The following BTD variants were observed in gnomAD, a reference collection of about 807,000 sequenced individuals.
BTD encodes biotinidase, also known as biocytinase.
A neutral mutation model predicts 17.7 loss-of-function variants in BTD; 13 were observed. The ratio of observed to expected loss-of-function variants is 0.74; its 90% CI spans 0.48 to 1.17. The LOEUF is 1.17. BTD is among the 50% of genes most tolerant of loss of function. BTD has a pLI of 0.00. For synonymous variants in BTD, 240 were observed against 245.2 expected (o/e 0.98, Z 0.20); for missense variants, 674 against 650.4 (o/e 1.04, Z -0.39).
chr3:15,719,451 C>T (rs1434835097), intron 4 of BTD, among the ~76,000 whole-genome samples: 1 of 152,078 alleles, frequency 6.6e-6, no homozygotes, highest in Non-Finnish European at 1.5e-5. Context: ...ACAGAAACAA[C>T]TAACGAATTC....
At chr3:15,626,975 G>A (rs1004158965) in intron 1 of BTD, among the ~76,000 whole-genome samples, 1 of 152,078 alleles carries the variant, frequency 6.6e-6, no homozygotes, top group African/African-American at 2.4e-5. Context: ...TTTGACCAAA[G>A]CAGAAGAAAA....
At chr3:15,612,996 G>A (rs1321356451) in intron 1 of BTD, among the ~76,000 whole-genome samples, 1 of 152,194 alleles carries the variant, frequency 6.6e-6, no homozygotes, top group African/African-American at 2.4e-5. Context: ...CGGGGAGAGA[G>A]TGTGTCTGAA....
In BTD at chr3:15,687,498, T is replaced by C. The variant is rs190956434; in HGVS notation, c.400-22562T>C. On this transcript the variant is annotated intron_variant, in intron 3 of 3. Transcript: ENST00000672141. ...GCAAAATTCAGGTCCTGTTAATATA[T>C]ACAAAGTCTGAAGTTTAAAGAAATA... Among the ~76,000 whole-genome samples the C allele has an allele frequency of 1.0e-3, 157 of 152,286 alleles. 3 individuals are homozygous for C. The highest frequency in any genetic ancestry group is 1.8e-3 in the Non-Finnish European group (122 of 68,016).
chr3:15,663,159 G>A (rs764760495), intron 3 of BTD, among the ~76,000 whole-genome samples: 7 of 152,016 alleles, frequency 4.6e-5, no homozygotes, highest in Admixed American at 2.6e-4. Context: ...CGCCATGCCC[G>A]GCTAATTTTT....
rs746332288 is a variant in BTD at position 15,644,822 on chromosome 3, C to A, written c.906C>A (p.Tyr302Ter). 6.2e-7 allele frequency: 1 copy of A among 1,614,170 alleles called. No homozygotes were observed. Among genetic ancestry groups the A allele is most frequent in the South Asian group, 1.1e-5 (1 of 91,076 alleles). Residue 302 changes from tyrosine (Y) to a stop codon, truncating the protein, a stop_gained, in exon 4 of 4, where the codon TAC becomes TAA. Coordinates refer to ENST00000643237, the MANE Select transcript of BTD (RefSeq NM_001370658.1). LOFTEE classifies it low-confidence loss of function (END_TRUNC). ...GIHTPLESFW[Y>*]HDMENPKSHL... ...ACACCCCTCTGGAGTCCTTTTGGTACCATGACATGGAAAATCCCAAAAGTC... is the reference window on the plus strand; with the variant it reads ...ACACCCCTCTGGAGTCCTTTTGGTAACATGACATGGAAAATCCCAAAAGTC...
intron 1 of BTD, among the ~76,000 whole-genome samples, chr3:15,613,423 T>C (rs1254405525): frequency 6.6e-6 from 1 of 152,178 alleles, no homozygotes. Flanking sequence ...TTTAATTTTT[T>C]CTTCTGCTTC....
downstream of BTD, among the ~76,000 whole-genome samples, chr3:15,654,266 T>C (rs1361783856): frequency 6.6e-6 from 1 of 152,134 alleles, no homozygotes; most frequent in Non-Finnish European, 1.5e-5. Context: ...GGAGAGGGCA[T>C]TGGCTGGTTC....
At chr3:15,714,121 A>C (rs902521087), downstream of BTD, among the ~76,000 whole-genome samples, 4 of 152,176 alleles carry the variant, frequency 2.6e-5, no homozygotes, top group African/African-American at 9.7e-5. Context: ...AATACACCTA[A>C]AAGTTCTTTT....
chr3:15,652,377 G>T lies in BTD; in HGVS notation c.*6889G>T, dbSNP rs972669989. ...ATCTTGGTTGCTCACTTGCTATCTT[G>T]GGTCCCTCCCTCTGGGGAAAGCCAG... is the stretch of plus-strand genomic sequence containing the variant. On this transcript the variant is annotated 3_prime_UTR_variant, in exon 4 of 4. Coordinates refer to ENST00000643237, the MANE Select transcript of BTD (RefSeq NM_001370658.1). Among the ~76,000 whole-genome samples, 3 of 152,006 alleles carry T rather than the reference G, an allele frequency of 2.0e-5. No homozygotes were observed. The highest frequency in any genetic ancestry group is 6.6e-5 in the Admixed American group (1 of 15,258).
At chr3:15,660,490 A>G (rs560099816) in intron 3 of BTD, among the ~76,000 whole-genome samples, 1 of 152,344 alleles carries the variant, frequency 6.6e-6, no homozygotes, top group East Asian at 1.9e-4. Flanking sequence ...ACAATAGCCT[A>G]CATATCCAAT....
chr3:15,629,914 G>A (rs2065161878), intron 1 of BTD: 1 of 395,618 alleles, frequency 2.5e-6, no homozygotes, highest in Non-Finnish European at 3.4e-6. Context: ...GTGGCAGGAA[G>A]ATAAAAAAAT....
chr3:15,677,694 T>C (rs796837538), intron 3 of BTD: 14 of 556,048 alleles, frequency 2.5e-5, no homozygotes, highest in African/African-American at 2.1e-4. Flanking sequence ...AAGAAAAATA[T>C]TGTAATATAT....
downstream of BTD, among the ~76,000 whole-genome samples, chr3:15,712,781 T>A (rs2072486787): frequency 6.6e-6 from 1 of 152,192 alleles, no homozygotes; most frequent in Non-Finnish European, 1.5e-5. Flanking sequence ...ATAAATGAAC[T>A]AGAGCAACTT....
At chr3:15,672,330 C>G (rs1232708474) in intron 3 of BTD, among the ~76,000 whole-genome samples, 4 of 151,774 alleles carry the variant, frequency 2.6e-5, no homozygotes, top group Admixed American at 2.0e-4. Context: ...TTTGTAGATA[C>G]AGGGTCTCGC....
At chr3:15,621,645 G>A (rs186312848) in intron 1 of BTD, among the ~76,000 whole-genome samples, 474 of 151,948 alleles carry the variant, frequency 3.1e-3, no homozygotes, top group Middle Eastern at 0.02. Context: ...TGTTGCCCAG[G>A]CTGGAGTGCA....
intron 2 of BTD, among the ~76,000 whole-genome samples, chr3:15,639,234 C>T (rs1404571463): frequency 2.0e-5 from 3 of 151,482 alleles, no homozygotes; most frequent in East Asian, 3.9e-4. Context: ...CTCCTCATTC[C>T]TGGTTGATAA....
chr3:15,689,866 A>G, intron 3 of BTD: 2 of 655,774 alleles, frequency 3.0e-6, no homozygotes, highest in Non-Finnish European at 5.0e-6. Flanking sequence ...GTGTGAATAA[A>G]GTTATTTGGT....
rs114366615 is a variant in BTD, at chr3:15,607,836, A to T, written c.-17+5942A>T. On this transcript the variant is annotated intron_variant, in intron 1 of 3. Coordinates refer to ENST00000643237, the MANE Select transcript of BTD (RefSeq NM_001370658.1). ...CACTATTTTTTATAGCAATGCAAAAACTGTACAGCCGGAAATGTGTTGTAG... is the reference window on the plus strand; with the variant it reads ...CACTATTTTTTATAGCAATGCAAAATCTGTACAGCCGGAAATGTGTTGTAG... Among the ~76,000 whole-genome samples, 1,520 of 152,332 alleles carry T rather than the reference A, an allele frequency of 1.0e-2. 12 individuals carry two copies. Among genetic ancestry groups the T allele is most frequent in the Middle Eastern group, 0.031 (9 of 294 alleles).
intron 1 of BTD, 52 bp downstream of exon 1, chr3:15,601,946 T>TC: frequency 6.2e-7 from 1 of 1,600,160 alleles, no homozygotes; most frequent in Non-Finnish European, 8.5e-7. Context: ...GGGCGTGCGG[T>TC]CCAGACCCCG....
Sources: allele counts gnomAD v4.1 joint callset (sites outside exome capture counted in the v4.1 genomes callset), GRCh38; gene constraint gnomAD v4.1.1; transcripts MANE v1.5; gene names NCBI Gene and HGNC (gene_info 2026-07-23, HGNC 2026-07-21).